The following AMN1 variants were observed in gnomAD, a reference collection of about 807,000 sequenced individuals.
The protein encoded by AMN1 is antagonist of mitotic exit network 1 homolog.
A neutral mutation model predicts 33.0 loss-of-function variants in AMN1; 20 were observed. The ratio of observed to expected loss-of-function variants is 0.61; its 90% CI spans 0.43 to 0.88. AMN1 has a LOEUF of 0.88. Ranked by LOEUF, AMN1 falls within the 40% of genes least tolerant of loss-of-function variation. AMN1 has a pLI of 0.00. For synonymous variants in AMN1, 114 were observed against 111.9 expected, an observed-to-expected ratio of 1.02 and a Z score of -0.12; for missense variants, 246 against 307.4, an observed-to-expected ratio of 0.80 and a Z score of 1.49.
In AMN1 at chr12:31,712,978, G is replaced by T. The variant is rs1336687043; in HGVS notation, c.39-3553C>A. Reference sequence around the variant, plus strand: ...CCATATTTTGGTTATTACAAATAGTGCTGCAATAAACATGGGAGTGCAGAT... The same window carrying T: ...CCATATTTTGGTTATTACAAATAGTTCTGCAATAAACATGGGAGTGCAGAT... On this transcript the variant is annotated intron_variant, in intron 1 of 6. Coordinates refer to ENST00000281471, the MANE Select transcript of AMN1 (RefSeq NM_001113402.2). Among the ~76,000 whole-genome samples the T allele has an allele frequency of 2.6e-5, 4 of 152,308 alleles. No homozygotes were observed. In the East Asian group the frequency reaches 7.7e-4, roughly 29 times the overall value.
intron 2 of AMN1, chr12:31,709,050 C>T (rs181908240): frequency 2.5e-5 from 13 of 528,130 alleles, no homozygotes; most frequent in African/African-American, 2.1e-4. Flanking sequence ...TGGTGGTGTA[C>T]ACCTATAGTC....
At position 31,727,345 on chromosome 12, in the gene AMN1, C is replaced by T. The variant is rs1940115516; in HGVS notation, c.38+1626G>A. Among the ~76,000 whole-genome samples, 3 of 152,338 alleles carry T rather than the reference C, an allele frequency of 2.0e-5. No individual in the cohort carries two copies. In the South Asian group the frequency reaches 6.2e-4, roughly 32 times the overall value. On this transcript the variant is annotated intron_variant, in intron 1 of 6. Coordinates refer to ENST00000281471, the MANE Select transcript of AMN1 (RefSeq NM_001113402.2). ...CAACTTCTGCCTAATTCAAATCTCT[C>T]TCTGCTCACAGTACAGTTCTAAAAC...
intron 1 of AMN1, among the ~76,000 whole-genome samples, chr12:31,712,168 CT>C (rs1939492497): frequency 6.6e-6 from 1 of 152,060 alleles, no homozygotes; most frequent in Non-Finnish European, 1.5e-5. Context: ...CCTTAACCTC[CT>C]AGGCTCAAGA....
chr12:31,673,394 T>G (rs1951321872), intron 6 of AMN1, among the ~76,000 whole-genome samples: 1 of 152,174 alleles, frequency 6.6e-6, no homozygotes, highest in African/African-American at 2.4e-5. Context: ...TTATTATCAT[T>G]GGGAAAACAA....
In AMN1 at chr12:31,688,685, C is replaced by A. The variant is rs143221385; in HGVS notation, c.703+322G>T. ...AATTAGCCTGGCATGGTGGCGTGCA[C>A]CTGTAGTCCCAGCTACTCAGGAGGC... On this transcript the variant is annotated intron_variant, in intron 6 of 6. Coordinates refer to ENST00000281471, the MANE Select transcript of AMN1 (RefSeq NM_001113402.2). Among the ~76,000 whole-genome samples the A allele has an allele frequency of 3.6e-4, 55 of 152,180 alleles. 2 individuals are homozygous for A. The East Asian group carries it at 8.9e-3, about 25-fold the overall frequency.
intron 1 of AMN1, among the ~76,000 whole-genome samples, chr12:31,712,300 T>C (rs374206853): frequency 3.9e-5 from 6 of 152,130 alleles, no homozygotes; most frequent in African/African-American, 7.2e-5. Flanking sequence ...CAGGCTAGAG[T>C]GCAGTGGTGC....
At position 31,697,874 on chromosome 12, in the gene AMN1, C is replaced by T. The variant is rs1396798900; in HGVS notation, c.400G>A (p.Val134Ile). The T allele has an allele frequency of 6.2e-6, 10 of 1,613,868 alleles. No individual in the cohort carries two copies. Among genetic ancestry groups the T allele is most frequent in the Middle Eastern group, 1.6e-4 (1 of 6,084 alleles). Residue 134 changes from valine to isoleucine, a missense_variant, in exon 4 of 7, where the codon GTT becomes ATT. Physicochemically the swap from Val to Ile is conservative, Grantham distance 29. Transcript: ENST00000281471. ...RCCNLTDEGV[V>I]ALALNCQLLK... ...AGCTGGCAATTGAGTGCAAGAGCAACGACTCCTTCGTCAGTGAGATTGCAG... is the reference window on the plus strand; with the variant it reads ...AGCTGGCAATTGAGTGCAAGAGCAATGACTCCTTCGTCAGTGAGATTGCAG...
At chr12:31,727,540 C>G (rs1038642608) in intron 1 of AMN1, among the ~76,000 whole-genome samples, 1 of 152,162 alleles carries the variant, frequency 6.6e-6, no homozygotes, top group Admixed American at 6.5e-5. Flanking sequence ...TTCTACCTTT[C>G]CTGCCTGTCA....
At chr12:31,689,852 C>T (rs1166169147) in intron 5 of AMN1, among the ~76,000 whole-genome samples, 1 of 152,068 alleles carries the variant, frequency 6.6e-6, no homozygotes, top group African/African-American at 2.4e-5. Context: ...TTTGGTGCAA[C>T]CATCAACCAA....
At chr12:31,712,204 G>A (rs1939493675) in intron 1 of AMN1, among the ~76,000 whole-genome samples, 1 of 151,858 alleles carries the variant, frequency 6.6e-6, no homozygotes, top group South Asian at 2.1e-4. Context: ...AGCTTCTAGA[G>A]GCATGCTTAC....
chr12:31,671,626 C>T lies in AMN1; in HGVS notation c.*678G>A, dbSNP rs1471952008. On this transcript the variant is annotated 3_prime_UTR_variant, in exon 7 of 7. Transcript: ENST00000281471. ...ACTCATTTTTACACATTTTTGAATGCAATTTTGCTAAGGAAGGAAAGCTTA... is the reference window on the plus strand; with the variant it reads ...ACTCATTTTTACACATTTTTGAATGTAATTTTGCTAAGGAAGGAAAGCTTA... 1.3e-5 allele frequency: 2 copies of T among 152,042 alleles called. No individual in the cohort carries two copies. The highest frequency in any genetic ancestry group is 2.9e-5 in the Non-Finnish European group (2 of 68,012). The allele number at this position is 152,042 out of a possible 1,614,324, so 9.4% of individuals were successfully genotyped here.
At position 31,689,042 on chromosome 12, in the gene AMN1, C is replaced by T. The variant is rs569038342; in HGVS notation, c.668G>A (p.Arg223His). 13 of 1,613,246 alleles carry T rather than the reference C, an allele frequency of 8.1e-6. No individual in the cohort carries two copies. Among genetic ancestry groups the T allele is most frequent in the South Asian group, 7.7e-5 (7 of 90,978 alleles). The part of the protein sequence containing the change: ...EAVLTYCPQI[R>H]ILLFHGCPLI... ...GGGGCATCCATGGAAGAGTAATATA[C>T]GTATTTGAGGACAGTAAGTAAGGAC... The change falls in exon 6 of 7, where the codon CGT (arginine) becomes CAT (histidine). Residue 223 changes from arginine (R) to histidine (H), a missense_variant. By Grantham distance (29) the Arg-to-His change is conservative. Coordinates refer to ENST00000281471, the MANE Select transcript of AMN1 (RefSeq NM_001113402.2).
chr12:31,698,845 A>C (rs1938852830), intron 3 of AMN1, among the ~76,000 whole-genome samples: 2 of 152,144 alleles, frequency 1.3e-5, no homozygotes, highest in African/African-American at 4.8e-5. Flanking sequence ...TCCCTGACAC[A>C]GAGCTCCGAA....
rs1938333009 is a variant in AMN1 at position 31,687,834 on chromosome 12, C to T, written c.703+1173G>A. Among the ~76,000 whole-genome samples, 1 of 152,054 alleles carries T rather than the reference C, an allele frequency of 6.6e-6. No homozygotes were observed. Among genetic ancestry groups the T allele is most frequent in the Non-Finnish European group, 1.5e-5 (1 of 68,022 alleles). On this transcript the variant is annotated intron_variant, in intron 6 of 6. Coordinates refer to ENST00000281471, the MANE Select transcript of AMN1 (RefSeq NM_001113402.2). The surrounding 1 kb of genome is among the most constrained non-coding windows in gnomAD (Gnocchi z 4.1). ...ATTATAGGGGTAATATGAAAGGGTG[C>T]CATGGTTTCTAGGGTAGGAGGATAT...
chr12:31,699,288 G>A (rs1302456930), intron 3 of AMN1, among the ~76,000 whole-genome samples: 1 of 149,982 alleles, frequency 6.7e-6, no homozygotes, highest in East Asian at 2.0e-4. Context: ...CTACTCCGGA[G>A]GCTGAGGCAG....
chr12:31,698,454 G>A (rs931745233), intron 3 of AMN1, among the ~76,000 whole-genome samples: 1 of 152,226 alleles, frequency 6.6e-6, no homozygotes, highest in Non-Finnish European at 1.5e-5. Context: ...GTTCTCAAAA[G>A]TGAATTTATT....
chr12:31,725,443 G>A (rs993529764), intron 1 of AMN1, among the ~76,000 whole-genome samples: 1 of 152,138 alleles, frequency 6.6e-6, no homozygotes, highest in East Asian at 1.9e-4. Flanking sequence ...GTTGCTCTAC[G>A]TTTTATACTT....
Position 31,692,730 on chromosome 12 carries a change from C to CAAGTA in AMN1, c.592-3617_592-3613dup, listed in dbSNP as rs200592087. On this transcript the variant is annotated intron_variant, in intron 5 of 6. Coordinates refer to ENST00000281471, the MANE Select transcript of AMN1 (RefSeq NM_001113402.2). ...AATCTGAATTACCAACAATAAAAAA[C>CAAGTA]AAGTATGTTACATTATACGGACAGT... is the stretch of plus-strand genomic sequence containing the variant. 8.3e-3 allele frequency among the ~76,000 whole-genome samples: 1,268 copies of CAAGTA among 152,102 alleles called. 17 individuals are homozygous for CAAGTA. The highest frequency in any genetic ancestry group is 0.029 in the African/African-American group (1,196 of 41,528).
chr12:31,701,934 G>A lies in AMN1; in HGVS notation c.245C>T (p.Ser82Phe). The A allele has an allele frequency of 6.2e-7, 1 of 1,609,940 alleles. No homozygotes were observed. The highest frequency in any genetic ancestry group is 1.3e-5 in the African/African-American group (1 of 74,850). ...TAATTTCTTCAGTTTTCTACAGTTA[G>A]ACAGGTGCAGGAGAGCAGCATCTGA... ...DISDAALLHL[S>F]NCRKLKKLNL... Residue 82 changes from serine to phenylalanine, a missense_variant, in exon 3 of 7, where the codon TCT (serine) becomes TTT (phenylalanine). Coordinates refer to ENST00000281471, the MANE Select transcript of AMN1 (RefSeq NM_001113402.2).
Sources: allele counts gnomAD v4.1 joint callset (sites outside exome capture counted in the v4.1 genomes callset), GRCh38; gene constraint gnomAD v4.1.1; non-coding constraint Gnocchi (gnomAD v3.1); transcripts MANE v1.5; gene names NCBI Gene and HGNC (gene_info 2026-07-23, HGNC 2026-07-21).